The following TFDP2 variants were observed in gnomAD, a reference collection of about 807,000 sequenced individuals.
TFDP2 encodes transcription factor Dp-2 (E2F dimerization partner 2).
A neutral mutation model predicts 59.3 loss-of-function variants in TFDP2; 17 were observed. The observed-to-expected ratio is 0.29, with a 90% CI of 0.20 to 0.43. The LOEUF is 0.43. TFDP2 is among the 20% of genes least tolerant of loss of function. The pLI is 1.00. For synonymous variants in TFDP2, 180 were observed against 194.7 expected, an observed-to-expected ratio of 0.92 and a Z score of 0.63; for missense variants, 391 against 528.8, an observed-to-expected ratio of 0.74 and a Z score of 2.56.
At chr3:142,043,922 CCTT>C in intron 3 of TFDP2, 1 of 859,352 alleles carries the variant, frequency 1.2e-6, no homozygotes, top group Non-Finnish European at 2.0e-6. Context: ...ATCCACATGA[CCTT>C]CTCTGGCATT....
intron 3 of TFDP2, among the ~76,000 whole-genome samples, chr3:142,043,105 G>A (rs1206952727): frequency 6.6e-6 from 1 of 150,700 alleles, no homozygotes; most frequent in Admixed American, 6.6e-5. Flanking sequence ...GGAGTGCAGT[G>A]GCACGATCTC....
intron 3 of TFDP2, among the ~76,000 whole-genome samples, chr3:142,041,568 C>A (rs1444065581): frequency 6.6e-6 from 1 of 152,194 alleles, no homozygotes; most frequent in African/African-American, 2.4e-5. Flanking sequence ...GCCTCCCCAG[C>A]CATGTGGAAC....
intron 1 of TFDP2, among the ~76,000 whole-genome samples, chr3:142,104,372 A>G (rs909042863): frequency 3.9e-5 from 6 of 152,210 alleles, no homozygotes; most frequent in African/African-American, 1.4e-4. Flanking sequence ...CATTTTGAAG[A>G]TTAATATTTC....
intron 7 of TFDP2, among the ~76,000 whole-genome samples, chr3:141,974,731 C>G (rs1940335661): frequency 1.3e-5 from 2 of 152,058 alleles, no homozygotes; most frequent in Non-Finnish European, 2.9e-5. Context: ...TTAAAAAAAT[C>G]AAGGACATTT....
At chr3:141,954,717 T>C (rs1311808459) in intron 11 of TFDP2, among the ~76,000 whole-genome samples, 1 of 151,958 alleles carries the variant, frequency 6.6e-6, no homozygotes, top group Non-Finnish European at 1.5e-5. Context: ...AAGTGGTAGA[T>C]ACATTAAAAG....
chr3:142,077,641 T>C (rs938788539), intron 3 of TFDP2, among the ~76,000 whole-genome samples: 2 of 152,046 alleles, frequency 1.3e-5, no homozygotes, highest in African/African-American at 4.8e-5. Flanking sequence ...ACCTGCTGAC[T>C]AAAGAGCTCT....
At chr3:141,969,818 T>C (rs1939438024) in intron 9 of TFDP2, among the ~76,000 whole-genome samples, 1 of 152,182 alleles carries the variant, frequency 6.6e-6, no homozygotes, top group Non-Finnish European at 1.5e-5. Flanking sequence ...GGCCTGAGTG[T>C]CAACAGTGAA....
At chr3:141,966,812 G>C (rs1466407821) in intron 9 of TFDP2, among the ~76,000 whole-genome samples, 1 of 150,730 alleles carries the variant, frequency 6.6e-6, no homozygotes, top group Non-Finnish European at 1.5e-5. Flanking sequence ...AGAGGTGGTA[G>C]CAAGGAGGTA....
chr3:142,076,158 C>T (rs1472678687), intron 3 of TFDP2, among the ~76,000 whole-genome samples: 1 of 146,334 alleles, frequency 6.8e-6, no homozygotes, highest in Admixed American at 7.0e-5. Context: ...TTGCAGTGAG[C>T]TGAGATCACA....
intron 3 of TFDP2, among the ~76,000 whole-genome samples, chr3:142,090,408 T>C (rs1298381623): frequency 6.6e-6 from 1 of 152,212 alleles, no homozygotes; most frequent in Non-Finnish European, 1.5e-5. Flanking sequence ...TAACTAAACT[T>C]TACTGGTGTT....
chr3:142,042,611 CTTTCT>C (rs1350153218), intron 3 of TFDP2, among the ~76,000 whole-genome samples: 29 of 112,896 alleles, frequency 2.6e-4, no homozygotes, highest in East Asian at 1.3e-3. Flanking sequence ...GTTTCTTTTT[CTTTCT>C]TTTCTTTTCT....
chr3:142,141,030 T>C (rs2062934796), intron 1 of TFDP2, among the ~76,000 whole-genome samples: 3 of 152,184 alleles, frequency 2.0e-5, no homozygotes, highest in Admixed American at 1.3e-4. Flanking sequence ...CCGCCCAGTT[T>C]GAGCTTCCTG....
At chr3:142,023,057 T>C (rs1263304745) in intron 3 of TFDP2, among the ~76,000 whole-genome samples, 1 of 138,704 alleles carries the variant, frequency 7.2e-6, no homozygotes, top group Non-Finnish European at 1.5e-5. Flanking sequence ...GAGGCGGAGG[T>C]TGCAGTAAGC....
chr3:141,973,745 CCAAAAG>C (rs1022354508), intron 8 of TFDP2, among the ~76,000 whole-genome samples: 2 of 148,614 alleles, frequency 1.3e-5, no homozygotes, highest in African/African-American at 5.0e-5. Context: ...TACCATTTCA[CCAAAAG>C]TTTATTAGTA....
Position 142,139,207 on chromosome 3 carries a change from C to A in TFDP2, c.-93+9976G>T, listed in dbSNP as rs142830177. Among the ~76,000 whole-genome samples, 148 of 151,860 alleles carry A rather than the reference C, an allele frequency of 9.7e-4. 1 individual carries two copies. The highest frequency in any genetic ancestry group is 3.5e-3 in the African/African-American group (144 of 41,440). ...TGCAACCCCTGCTTTTTTTTGCTTT[C>A]CATCTGCTTGGTAGATCTTCCACCA... On this transcript the variant is annotated intron_variant, in intron 1 of 12. Transcript: ENST00000489671.
intron 1 of TFDP2, among the ~76,000 whole-genome samples, chr3:142,120,042 T>A (rs1428568316): frequency 1.3e-5 from 2 of 149,352 alleles, no homozygotes; most frequent in African/African-American, 5.0e-5. Context: ...AGAGCAAGAC[T>A]CCATCGAAAA....
chr3:142,026,876 T>G (rs962739046), intron 3 of TFDP2, among the ~76,000 whole-genome samples: 4 of 152,344 alleles, frequency 2.6e-5, no homozygotes, highest in Admixed American at 2.6e-4. Context: ...AAGCTTATTA[T>G]CTTTCTTTTT....
chr3:141,963,961 T>C lies in TFDP2; in HGVS notation c.735A>G (p.Gln245=), dbSNP rs767039918. The C allele has an allele frequency of 1.2e-6, 2 of 1,613,176 alleles. No individual in the cohort carries two copies. The highest frequency in any genetic ancestry group is 2.2e-5 in the South Asian group (2 of 90,858). ...TCTGTACCAGGTTTTTGAAAGCGAT[T>C]TGCTGTAATGATCAATAAAAACAAT... ...RAQLQELLLQ[Q]IAFKNLVQRN... is the part of the protein sequence containing the mutation. The change falls in exon 10 of 13, where the codon CAA becomes CAG. Residue 245 remains glutamine, a splice_region_variant and synonymous_variant. Coordinates refer to ENST00000489671, the MANE Select transcript of TFDP2 (RefSeq NM_001178139.2).
At chr3:142,110,390 GCTA>G (rs2061612093) in intron 1 of TFDP2, among the ~76,000 whole-genome samples, 1 of 151,992 alleles carries the variant, frequency 6.6e-6, no homozygotes, top group African/African-American at 2.4e-5. Context: ...TATAATCCCA[GCTA>G]CTTGGGAGGC....
Sources: allele counts gnomAD v4.1 joint callset (sites outside exome capture counted in the v4.1 genomes callset), GRCh38; gene constraint gnomAD v4.1.1; transcripts MANE v1.5; gene names NCBI Gene and HGNC (gene_info 2026-07-23, HGNC 2026-07-21).